The following NUP160 variants were observed in gnomAD, a reference collection of about 807,000 sequenced individuals.
NUP160 encodes the protein nuclear pore complex protein Nup160.
A neutral mutation model predicts 196.9 loss-of-function variants in NUP160; 94 were observed. The observed-to-expected ratio is 0.48, with a 90% CI of 0.40 to 0.57. The LOEUF (loss-of-function observed/expected upper bound fraction) is 0.57. Ranked by LOEUF, NUP160 falls within the 20% of genes least tolerant of loss-of-function variation. The probability of loss-of-function intolerance (pLI) is 0.00; values close to 1 mark genes in which losing one functional copy is unlikely to be tolerated. For synonymous variants in NUP160, 605 were observed against 619.7 expected (o/e 0.98, Z 0.35); for missense variants, 1,638 against 1,748.3 (o/e 0.94, Z 1.13).
chr11:47,812,449 A>T lies in NUP160; in HGVS notation c.1953-20T>A, dbSNP rs750601404. Reference sequence around the variant, plus strand: ...TTTTCTCTATAAGGACAATTACAAAACTCTTATTACTACCGAGAATACGTA... The same window carrying T: ...TTTTCTCTATAAGGACAATTACAAATCTCTTATTACTACCGAGAATACGTA... On this transcript the variant is annotated intron_variant, in intron 15 of 35. Transcript: ENST00000378460. The T allele has an allele frequency of 3.7e-6, 6 of 1,603,232 alleles. No individual in the cohort carries two copies. Among genetic ancestry groups the T allele is most frequent in the Non-Finnish European group, 5.1e-6 (6 of 1,176,786 alleles).
In NUP160 at chr11:47,812,574, T is replaced by C. The variant is rs990667232; in HGVS notation, c.1953-145A>G. On this transcript the variant is annotated intron_variant, in intron 15 of 35. Coordinates refer to ENST00000378460, the Ensembl canonical transcript of NUP160. ...ACTCTGGCATATAAGATACAGTCCCTATGCATAGCAAATTTCCTCTCAGTT... is the reference window on the plus strand; with the variant it reads ...ACTCTGGCATATAAGATACAGTCCCCATGCATAGCAAATTTCCTCTCAGTT... 3.8e-6 allele frequency: 3 copies of C among 786,968 alleles called. No homozygotes were observed. In the African/African-American group the frequency reaches 5.2e-5, roughly 14 times the overall value. 48.7% of individuals were successfully genotyped at this position (786,968 alleles called of 1,614,324 possible). A position where few individuals can be genotyped will look rare whatever the true frequency, so the allele number is the denominator to read the frequency against.
chr11:47,814,436 G>A (rs547683649), intron 13 of NUP160, among the ~76,000 whole-genome samples: 91 of 151,878 alleles, frequency 6.0e-4, no homozygotes, highest in Non-Finnish European at 1.2e-3. Flanking sequence ...CAGCTACTCT[G>A]GAGGATAGGC....
chr11:47,818,030 A>T, intron 11 of NUP160, 26 bp downstream of exon 11: 1 of 1,469,160 alleles, frequency 6.8e-7, no homozygotes, highest in Non-Finnish European at 9.5e-7. Context: ...ATAGTCTTAA[A>T]CAAACAGTAA....
intron 29 of NUP160, among the ~76,000 whole-genome samples, chr11:47,790,759 C>T (rs12787330): frequency 0.28 from 42,012 of 151,928 alleles, 6,810 homozygotes; most frequent in Middle Eastern, 0.38. Flanking sequence ...GTTTCAAAAA[C>T]AAAAACAAAC....
intron 9 of NUP160, among the ~76,000 whole-genome samples, chr11:47,820,911 G>C (rs72895713): frequency 3.3e-3 from 502 of 152,130 alleles, no homozygotes; most frequent in Non-Finnish European, 5.1e-3. Flanking sequence ...CTTGAACCAT[G>C]GCCTCAGGCA....
intron 22 of NUP160, 115 bp downstream of exon 22, chr11:47,803,317 TCTTTAA>T (rs1391792396): frequency 7.6e-6 from 5 of 654,368 alleles, no homozygotes; most frequent in African/African-American, 5.5e-5. Flanking sequence ...AGTACAGTCT[TCTTTAA>T]CTTTATGTAG....
rs137886182 is a variant in NUP160, at chr11:47,840,454, C to T, written c.449G>A (p.Arg150His). ...ATTGGTTAACATCAAGATTATCACA[C>T]GATTCTGAGTCTCAGAGACATAAAC... Residue 150 changes from arginine (R) to histidine (H), a missense_variant, in exon 3 of 36, where the codon CGT becomes CAT. Around this residue, in one of 3 missense-constraint regions of NUP160, gnomAD observed 287 missense variants for 259.5 expected, o/e 1.11. Transcript: ENST00000378460. The T allele has an allele frequency of 2.5e-5, 40 of 1,614,132 alleles. 1 individual carries two copies. Among genetic ancestry groups the T allele is most frequent in the Middle Eastern group, 3.3e-4 (2 of 6,062 alleles).
At chr11:47,794,165 T>G (rs948517693) in intron 27 of NUP160, among the ~76,000 whole-genome samples, 2 of 152,154 alleles carry the variant, frequency 1.3e-5, no homozygotes, top group Non-Finnish European at 2.9e-5. Flanking sequence ...CACAATATTG[T>G]GAATGCACTT....
At chr11:47,806,889 G>A (rs1479844630) in intron 19 of NUP160, among the ~76,000 whole-genome samples, 181 bp downstream of exon 19, 1 of 147,014 alleles carries the variant, frequency 6.8e-6, no homozygotes, top group East Asian at 2.0e-4. Context: ...GCCTGATCTG[G>A]TACTACAGTT....
intron 17 of NUP160, among the ~76,000 whole-genome samples, chr11:47,810,968 T>C (rs1413544709): frequency 2.0e-5 from 3 of 152,176 alleles, no homozygotes; most frequent in Non-Finnish European, 4.4e-5. Context: ...TTTAATTAGA[T>C]TCCTTCTTTG....
intron 34 of NUP160, among the ~76,000 whole-genome samples, chr11:47,782,562 T>A (rs1456674397): frequency 6.6e-6 from 1 of 151,496 alleles, no homozygotes; most frequent in African/African-American, 2.4e-5. Flanking sequence ...AAGCCTACTT[T>A]ATAATACACT....
At chr11:47,796,389 C>A in intron 27 of NUP160, 2 of 500,682 alleles carry the variant, frequency 4.0e-6, no homozygotes, top group South Asian at 2.9e-5. Flanking sequence ...TTCTAAATGT[C>A]TTAAGAAGAA....
exon 16 of NUP160, chr11:47,812,373 T>G: frequency 1.2e-6 from 2 of 1,613,800 alleles, no homozygotes; most frequent in Non-Finnish European, 1.7e-6. Flanking sequence ...TCCAATTGCA[T>G]GGATTGGGTT....
chr11:47,833,882 C>T (rs1852121426), intron 7 of NUP160, among the ~76,000 whole-genome samples: 1 of 152,212 alleles, frequency 6.6e-6, no homozygotes, highest in African/African-American at 2.4e-5. Flanking sequence ...TGAGACTCTA[C>T]TGGGAGGGGA....
chr11:47,812,627 T>C (rs2097681819), intron 15 of NUP160, among the ~76,000 whole-genome samples, 198 bp from the exon 16 acceptor site: 1 of 152,192 alleles, frequency 6.6e-6, no homozygotes, highest in Non-Finnish European at 1.5e-5. Flanking sequence ...AAAACAAACA[T>C]GAGAAGAACA....
At chr11:47,840,170 T>C in intron 3 of NUP160, 105 bp from the exon 4 acceptor site, 1 of 909,592 alleles carries the variant, frequency 1.1e-6, no homozygotes, top group Non-Finnish European at 1.7e-6. Flanking sequence ...AACTGTCAAG[T>C]TTAAGAAAGC....
At chr11:47,801,780 T>C in intron 23 of NUP160, 31 bp downstream of exon 23, 1 of 1,600,872 alleles carries the variant, frequency 6.2e-7, no homozygotes, top group East Asian at 2.2e-5. Context: ...TTACACAGGG[T>C]GGTATAAGGC....
intron 2 of NUP160, among the ~76,000 whole-genome samples, chr11:47,847,180 C>T (rs1315656765): frequency 6.6e-6 from 1 of 152,164 alleles, no homozygotes; most frequent in Non-Finnish European, 1.5e-5. Context: ...CTTTCCACTT[C>T]ATGACCTTTG....
At chr11:47,819,325 A>AAAG (rs1851805616) in intron 10 of NUP160, 49 bp downstream of exon 10, 1 of 1,378,848 alleles carries the variant, frequency 7.3e-7, no homozygotes, top group African/African-American at 1.5e-5. Context: ...AAAAAAAAAA[A>AAAG]AGATCAAAGT....
Sources: gnomAD v4.1 joint callset for allele counts (sites outside exome capture counted in the v4.1 genomes callset) on GRCh38, gnomAD v4.1.1 for gene constraint, gnomAD v4.1.1 regional missense constraint, MANE v1.5 for transcripts, NCBI Gene and HGNC (gene_info 2026-07-23, HGNC 2026-07-21) for gene names.